Variants in PDLIM5 observed in about 807,000 individuals in gnomAD.
PDLIM5 encodes PDZ and LIM domain protein 5.
PDLIM5 carries 34 observed loss-of-function variants against 64.2 expected under a neutral mutation model. That is an observed-to-expected ratio of 0.53 (90% CI 0.40 to 0.71). The LOEUF (loss-of-function observed/expected upper bound fraction) is 0.71. PDLIM5 is among the 30% of genes least tolerant of loss of function. The pLI, the probability that PDLIM5 is intolerant of heterozygous loss-of-function variation, is 0.00. For synonymous variants in PDLIM5, 253 were observed against 269.1 expected (o/e 0.94, Z 0.59); for missense variants, 683 against 733.6 (o/e 0.93, Z 0.80).
intron 8 of PDLIM5, among the ~76,000 whole-genome samples, chr4:94,625,695 T>G (rs1053211713): frequency 6.6e-6 from 1 of 152,084 alleles, no homozygotes; most frequent in South Asian, 2.1e-4. Context: ...CCTTGTGATC[T>G]GCCCGCCTCG....
chr4:94,603,362 A>T (rs963165103), intron 7 of PDLIM5, among the ~76,000 whole-genome samples: 1 of 152,198 alleles, frequency 6.6e-6, no homozygotes, highest in African/African-American at 2.4e-5. Context: ...GCAGTTAGAC[A>T]GTTCTTAAAT....
intron 2 of PDLIM5, among the ~76,000 whole-genome samples, chr4:94,483,090 G>A (rs1056351321): frequency 2.4e-4 from 36 of 152,174 alleles, no homozygotes; most frequent in African/African-American, 8.4e-4. Flanking sequence ...TATTATGACA[G>A]AATGGTTAAC....
chr4:94,483,730 C>T (rs913819993), intron 2 of PDLIM5, among the ~76,000 whole-genome samples: 17 of 152,032 alleles, frequency 1.1e-4, no homozygotes, highest in African/African-American at 4.1e-4. Flanking sequence ...TGATTATTTC[C>T]ATATCCCAGA....
At chr4:94,585,001 A>C in intron 5 of PDLIM5, 1 of 1,509,466 alleles carries the variant, frequency 6.6e-7, no homozygotes, top group Non-Finnish European at 9.2e-7. Flanking sequence ...TCCCACCTAA[A>C]CGGTAATCTT....
rs73834231 is a variant in PDLIM5, at chr4:94,645,647, C to A, written c.1283+5197C>A. ...TATAATAGTAAGCAATACATATAGC[C>A]AGTGTGCTTTAGAAAAAAGACCAAA... On this transcript the variant is annotated intron_variant, in intron 9 of 12. Coordinates refer to ENST00000317968, the MANE Select transcript of PDLIM5 (RefSeq NM_006457.5). Among the ~76,000 whole-genome samples the A allele has an allele frequency of 2.6e-5, 4 of 152,196 alleles. No individual in the cohort carries two copies. In the South Asian group the frequency reaches 8.3e-4, roughly 32 times the overall value.
At chr4:94,655,760 T>A (rs1043075355) in intron 10 of PDLIM5, among the ~76,000 whole-genome samples, 7 of 152,184 alleles carry the variant, frequency 4.6e-5, no homozygotes, top group Admixed American at 4.6e-4. Flanking sequence ...TAGACCCAAA[T>A]AAAGTTCTGG....
intron 2 of PDLIM5, among the ~76,000 whole-genome samples, chr4:94,465,362 T>C (rs564709627): frequency 1.1e-4 from 17 of 152,290 alleles, no homozygotes; most frequent in Non-Finnish European, 1.8e-4. Context: ...ATTATTTAAT[T>C]CTCATAACAG....
chr4:94,545,120 TA>T (rs2110195041), intron 3 of PDLIM5, among the ~76,000 whole-genome samples: 1 of 152,340 alleles, frequency 6.6e-6, no homozygotes, highest in South Asian at 2.1e-4. Context: ...TAGTTTACTT[TA>T]AAAAGTTAAG....
intron 2 of PDLIM5, among the ~76,000 whole-genome samples, chr4:94,475,432 T>A (rs1465948365): frequency 6.6e-6 from 1 of 152,194 alleles, no homozygotes; most frequent in South Asian, 2.1e-4. Flanking sequence ...TAATTCAGAT[T>A]TTTTGCAAAT....
At chr4:94,534,822 C>T (rs1039888031) in intron 3 of PDLIM5, among the ~76,000 whole-genome samples, 4 of 152,040 alleles carry the variant, frequency 2.6e-5, no homozygotes, top group African/African-American at 4.8e-5. Flanking sequence ...GGAGAAACAG[C>T]GAGGGAAGTC....
Position 94,640,325 on chromosome 4 carries a change from G to A in PDLIM5, c.1158G>A (p.Val386=). 1.9e-6 allele frequency: 3 copies of A among 1,611,622 alleles called. No homozygotes were observed. Among genetic ancestry groups the A allele is most frequent in the Non-Finnish European group, 2.5e-6 (3 of 1,177,868 alleles). ...ISNSATYSGS[V]APANSALGQT... Reference sequence around the variant, plus strand: ...ACAGCGCTACTTACTCAGGATCAGTGGCACCAGCCAACTCAGCTTTGGGAC... The same window carrying A: ...ACAGCGCTACTTACTCAGGATCAGTAGCACCAGCCAACTCAGCTTTGGGAC... The change falls in exon 9 of 13, where the codon GTG becomes GTA. Residue 386 remains valine (V), a synonymous_variant. Transcript: ENST00000317968.
At chr4:94,546,525 A>G (rs910958268) in intron 3 of PDLIM5, among the ~76,000 whole-genome samples, 1 of 152,192 alleles carries the variant, frequency 6.6e-6, no homozygotes. Context: ...ATTTTCAAGA[A>G]GTTCCAAACA....
At chr4:94,496,599 C>CCCACCT (rs1295285271) in intron 2 of PDLIM5, among the ~76,000 whole-genome samples, 1 of 152,192 alleles carries the variant, frequency 6.6e-6, no homozygotes, top group Admixed American at 6.5e-5. Context: ...AAGCAGTCCT[C>CCCACCT]CCACCTCCAC....
chr4:94,519,116 G>GCATATTCAT (rs1158549477), intron 2 of PDLIM5, among the ~76,000 whole-genome samples: 1 of 152,132 alleles, frequency 6.6e-6, no homozygotes, highest in Non-Finnish European at 1.5e-5. Context: ...TGAATGTGTG[G>GCATATTCAT]CATATTCATC....
At chr4:94,646,479 C>A (rs1741421087) in intron 9 of PDLIM5, among the ~76,000 whole-genome samples, 4 of 152,170 alleles carry the variant, frequency 2.6e-5, no homozygotes, top group Admixed American at 2.6e-4. Context: ...TGAAGCCACC[C>A]AGTCTGTGGT....
At chr4:94,516,253 T>C (rs1013660980) in intron 2 of PDLIM5, among the ~76,000 whole-genome samples, 1 of 152,204 alleles carries the variant, frequency 6.6e-6, no homozygotes, top group African/African-American at 2.4e-5. Flanking sequence ...TGTTTGCTTT[T>C]ATAAGGGAGG....
At chr4:94,490,134 G>C (rs549783254) in intron 2 of PDLIM5, among the ~76,000 whole-genome samples, 1 of 151,484 alleles carries the variant, frequency 6.6e-6, no homozygotes, top group Non-Finnish European at 1.5e-5. Flanking sequence ...ACTGTGGGGG[G>C]TATAATCTTA....
At chr4:94,508,057 C>G (rs1439787809) in intron 2 of PDLIM5, among the ~76,000 whole-genome samples, 2 of 152,098 alleles carry the variant, frequency 1.3e-5, no homozygotes, top group South Asian at 2.1e-4. Context: ...TGCAGTAGAA[C>G]AAGAATCTTC....
chr4:94,606,798 T>C (rs1737963159), intron 7 of PDLIM5, among the ~76,000 whole-genome samples: 1 of 152,216 alleles, frequency 6.6e-6, no homozygotes, highest in African/African-American at 2.4e-5. Context: ...TCAGTTCTTA[T>C]ATCATATGAA....
Sources: gnomAD v4.1 joint callset for allele counts (sites outside exome capture counted in the v4.1 genomes callset) on GRCh38, gnomAD v4.1.1 for gene constraint, MANE v1.5 for transcripts, NCBI Gene and HGNC (gene_info 2026-07-23, HGNC 2026-07-21) for gene names.